The following STK38L variants were observed in gnomAD, a reference collection of about 807,000 sequenced individuals.
STK38L encodes the protein serine/threonine kinase 38 like, also known as serine/threonine-protein kinase 38-like.
In STK38L, 28 loss-of-function variants were observed where a neutral mutation model predicts 59.7. The ratio of observed to expected loss-of-function variants is 0.47; its 90% CI spans 0.35 to 0.64. The LOEUF is 0.64. Among genes scored for constraint, STK38L ranks in the 30% least tolerant of loss-of-function variants. The pLI is 0.01. For missense variants in STK38L, 314 were observed against 555.8 expected (o/e 0.56, Z 4.37); for synonymous variants, 162 against 176.8 (o/e 0.92, Z 0.66).
Position 27,312,622 on chromosome 12 carries a change from GT to G in STK38L, c.471del (p.Gln158ArgfsTer8). On this transcript the variant is annotated frameshift_variant, in exon 6 of 14. Coordinates refer to ENST00000389032, the MANE Select transcript of STK38L (RefSeq NM_015000.4). LOFTEE classifies it high-confidence loss of function. The stretch of plus-strand genomic sequence containing the variant: ...GCCTGGGTGGTGAAGATGTTTTACA[GT>G]TTTCAGGATAAGAGGAATCTTTATC... ...DGAWVVKMFY[S>X]FQDKRNLYLI... 6.2e-7 allele frequency: 1 copy of G among 1,614,046 alleles called. No homozygotes were observed. The highest frequency in any genetic ancestry group is 2.2e-5 in the East Asian group (1 of 44,852).
At chr12:27,288,342 T>C (rs1369596340) in intron 1 of STK38L, among the ~76,000 whole-genome samples, 1 of 152,220 alleles carries the variant, frequency 6.6e-6, no homozygotes, top group Non-Finnish European at 1.5e-5. Context: ...AAAAAATCTT[T>C]CGTCTTACTT....
At chr12:27,298,541 T>G (rs971598264) in intron 2 of STK38L, 2 of 152,130 alleles carry the variant, frequency 1.3e-5, no homozygotes, top group African/African-American at 4.8e-5. Flanking sequence ...GACATGTTAT[T>G]TTGACTTTAG....
At position 27,318,015 on chromosome 12, in the gene STK38L, C is replaced by G. The variant is rs1436693470; in HGVS notation, c.1075C>G (p.Leu359Val). The change falls in exon 11 of 14, where the codon CTC becomes GTC. Residue 359 changes from leucine to valine, a missense_variant. Around this residue, in one of 3 missense-constraint regions of STK38L, gnomAD observed 94 missense variants for 142.2 expected, o/e 0.66. Transcript: ENST00000389032. ...ATCTGAGAAAGCCAAGGACTTAATT[C>G]TCAGGTTAGTGGTTAAATTCCTAGA... is the stretch of plus-strand genomic sequence containing the variant. ...PISEKAKDLI[L>V]RFCIDSENRI... 6.2e-7 allele frequency: 1 copy of G among 1,613,690 alleles called. No individual in the cohort carries two copies. Among genetic ancestry groups the G allele is most frequent in the African/African-American group, 1.3e-5 (1 of 74,876 alleles).
intron 1 of STK38L, among the ~76,000 whole-genome samples, chr12:27,287,696 G>A (rs894668074): frequency 6.6e-6 from 1 of 151,180 alleles, no homozygotes; most frequent in African/African-American, 2.4e-5. Flanking sequence ...GTTTTCATGT[G>A]TGTCCTTTTG....
At chr12:27,282,592 T>C (rs1173789600) in intron 1 of STK38L, among the ~76,000 whole-genome samples, 1 of 152,148 alleles carries the variant, frequency 6.6e-6, no homozygotes, top group East Asian at 1.9e-4. Flanking sequence ...CTAGTGTTGG[T>C]GCTGTCATAT....
Position 27,322,473 on chromosome 12 carries a change from C to T in STK38L, c.*18C>T, listed in dbSNP as rs759768793. The T allele has an allele frequency of 4.0e-5, 65 of 1,606,710 alleles. No individual in the cohort carries two copies. The highest frequency in any genetic ancestry group is 5.5e-5 in the Non-Finnish European group (65 of 1,177,954). On this transcript the variant is annotated 3_prime_UTR_variant, in exon 14 of 14. Coordinates refer to ENST00000389032, the MANE Select transcript of STK38L (RefSeq NM_015000.4). The stretch of plus-strand genomic sequence containing the variant: ...AGTTATGAATGAAGATAACATTCAC[C>T]CATAACCAAGAGAACTCAGGTAGCT...
chr12:27,312,464 G>A lies in STK38L; in HGVS notation c.394-85G>A. 2.1e-6 allele frequency: 3 copies of A among 1,438,366 alleles called. 1 individual carries two copies. In the South Asian group the frequency reaches 3.9e-5, roughly 19 times the overall value. 89.1% of individuals were successfully genotyped at this position (1,438,366 alleles called of 1,614,324 possible). A position where few individuals can be genotyped will look rare whatever the true frequency, so the allele number is the denominator to read the frequency against. ...AAACTCCATCTTTCCTTCATTAACT[G>A]TTATGGATGGATAAGTGTAAGAGAT... On this transcript the variant is annotated intron_variant, in intron 5 of 13. Transcript: ENST00000389032.
At chr12:27,313,687 A>G (rs983999515) in intron 6 of STK38L, among the ~76,000 whole-genome samples, 6 of 151,550 alleles carry the variant, frequency 4.0e-5, no homozygotes, top group Admixed American at 2.6e-4. Context: ...CTGGCTCCCT[A>G]TTTTTTTTAA....
chr12:27,290,496 T>A (rs1943873226), intron 1 of STK38L, among the ~76,000 whole-genome samples: 1 of 152,220 alleles, frequency 6.6e-6, no homozygotes, highest in African/African-American at 2.4e-5. Context: ...CTAGCTTTTC[T>A]TATACTTTCT....
Position 27,308,917 on chromosome 12 carries a change from TTAA to T in STK38L, c.310-194_310-192del, listed in dbSNP as rs1483947584. Among the ~76,000 whole-genome samples, 2 of 144,976 alleles carry T rather than the reference TTAA, an allele frequency of 1.4e-5. No individual in the cohort carries two copies. The highest frequency in any genetic ancestry group is 3.0e-5 in the Non-Finnish European group (2 of 66,464). ...ATATATAAATATATATAAATATATA[TTAA>T]TATATATAAAATATATATAAATATA... On this transcript the variant is annotated intron_variant, in intron 4 of 13. Transcript: ENST00000389032. This position sits in a 1 kb window ranked among gnomAD's most constrained non-coding sequence, Gnocchi z 4.5.
At chr12:27,314,733 A>G (rs1944543754) in intron 7 of STK38L, 75 bp downstream of exon 7, 1 of 1,451,712 alleles carries the variant, frequency 6.9e-7, no homozygotes, top group Middle Eastern at 1.8e-4. Context: ...TGTGAATGGA[A>G]ATCAGCAACT....
At chr12:27,251,949 A>C (rs1308728704) in intron 1 of STK38L, among the ~76,000 whole-genome samples, 1 of 152,184 alleles carries the variant, frequency 6.6e-6, no homozygotes, top group Non-Finnish European at 1.5e-5. Flanking sequence ...GGAATTGGGA[A>C]TCCTAACAAG....
intron 1 of STK38L, among the ~76,000 whole-genome samples, chr12:27,259,266 T>C (rs959435055): frequency 2.6e-5 from 4 of 152,228 alleles, no homozygotes; most frequent in Admixed American, 2.6e-4. Flanking sequence ...GTACTTTGTC[T>C]CCTGTCTTAA....
chr12:27,305,450 CTTA>C lies in STK38L; in HGVS notation c.187-2882_187-2880del, dbSNP rs555715185. Reference sequence around the variant, plus strand: ...AAAAATGTTTTTAATTCCACAGGTGCTTATTATTAGGCTCCATGCTAGAGCCTG... The same window carrying C: ...AAAAATGTTTTTAATTCCACAGGTGCTTATTAGGCTCCATGCTAGAGCCTG... On this transcript the variant is annotated intron_variant, in intron 3 of 13. Transcript: ENST00000389032. Among the ~76,000 whole-genome samples, 12 of 152,172 alleles carry C rather than the reference CTTA, an allele frequency of 7.9e-5. No homozygotes were observed. The East Asian group carries it at 2.3e-3, about 29-fold the overall frequency.
chr12:27,264,161 A>G (rs1313969061), intron 1 of STK38L, among the ~76,000 whole-genome samples: 3 of 152,218 alleles, frequency 2.0e-5, no homozygotes, highest in Admixed American at 6.5e-5. Context: ...TTGGGATGGT[A>G]GAAAAAGGAA....
chr12:27,312,389 C>T, intron 5 of STK38L, among the ~76,000 whole-genome samples, 160 bp from the exon 6 acceptor site: 1 of 152,186 alleles, frequency 6.6e-6, no homozygotes, highest in East Asian at 1.9e-4. Flanking sequence ...TCTTGAGGTT[C>T]TCCATATTTG....
chr12:27,314,567 T>C lies in STK38L; in HGVS notation c.581T>C (p.Ile194Thr). The C allele has an allele frequency of 6.2e-7, 1 of 1,610,252 alleles. No individual in the cohort carries two copies. Residue 194 changes from isoleucine to threonine, a missense_variant, in exon 7 of 14, where the codon ATT becomes ACT. This residue lies in a region of STK38L where 192 missense variants were observed against 316.9 expected (regional missense o/e 0.61). Coordinates refer to ENST00000389032, the MANE Select transcript of STK38L (RefSeq NM_015000.4). ...ACAGAAGAGGAAACACAGTTCTACA[T>C]TTCAGAGACTGTTCTGGCAATAGAT... ...TLTEEETQFYISETVLAIDAI... is the reference protein window; with the variant it reads ...TLTEEETQFYTSETVLAIDAI...
chr12:27,319,388 T>C lies in STK38L; in HGVS notation c.1140T>C (p.His380=). 6.2e-7 allele frequency: 1 copy of C among 1,613,560 alleles called. No homozygotes were observed. Among genetic ancestry groups the C allele is most frequent in the Non-Finnish European group, 8.5e-7 (1 of 1,179,652 alleles). The change falls in exon 12 of 14, where the codon CAT becomes CAC. Residue 380 remains histidine, a synonymous_variant. Coordinates refer to ENST00000389032, the MANE Select transcript of STK38L (RefSeq NM_015000.4). ...GNSGVEEIKG[H]PFFEGVDWEH... The stretch of plus-strand genomic sequence containing the variant: ...GTGGAGTAGAAGAAATAAAAGGTCA[T>C]CCCTTTTTTGAAGGTGTCGACTGGG...
intron 1 of STK38L, among the ~76,000 whole-genome samples, chr12:27,272,681 T>C (rs1943449514): frequency 6.6e-6 from 1 of 152,206 alleles, no homozygotes; most frequent in Non-Finnish European, 1.5e-5. Context: ...TCTTACAAGA[T>C]GTAAGTCACT....
Sources: gnomAD v4.1 joint callset for allele counts (sites outside exome capture counted in the v4.1 genomes callset) on GRCh38, gnomAD v4.1.1 for gene constraint, gnomAD v4.1.1 regional missense constraint, Gnocchi (gnomAD v3.1) non-coding constraint, MANE v1.5 for transcripts, NCBI Gene and HGNC (gene_info 2026-07-23, HGNC 2026-07-21) for gene names.